LACTB: variants seen among roughly 807,000 people sequenced by gnomAD.
LACTB encodes lactamase beta.
Under a neutral mutation model 50.2 loss-of-function variants are expected in LACTB, and 35 were observed. The ratio of observed to expected loss-of-function variants is 0.70; its 90% confidence interval spans 0.53 to 0.92. LACTB has a LOEUF of 0.92. Ranked by LOEUF, LACTB falls within the 40% of genes least tolerant of loss-of-function variation. The pLI, the probability that LACTB is intolerant of heterozygous loss-of-function variation, is 0.00. For missense variants in LACTB, 664 were observed against 691.8 expected, an observed-to-expected ratio of 0.96 and a Z score of 0.45; for synonymous variants, 252 against 268.2, an observed-to-expected ratio of 0.94 and a Z score of 0.59.
intron 5 of LACTB, chr15:63,131,142 A>G (rs1190077835): frequency 6.6e-6 from 1 of 152,272 alleles, no homozygotes; most frequent in Non-Finnish European, 1.5e-5. Context: ...AATACAAAAA[A>G]TCAGCCGGGC....
Position 63,122,193 on chromosome 15 carries a change from A to T in LACTB, c.322A>T (p.Ile108Phe), listed in dbSNP as rs1160089168. 1.3e-6 allele frequency: 2 copies of T among 1,543,788 alleles called. No homozygotes were observed. Among genetic ancestry groups the T allele is most frequent in the Admixed American group, 1.9e-5 (1 of 52,054 alleles). The change falls in exon 1 of 6, where the codon ATC (isoleucine) becomes TTC (phenylalanine). Residue 108 changes from isoleucine (I) to phenylalanine (F), a missense_variant. Ile to Phe is a conservative substitution (Grantham distance 21, BLOSUM62 0). Transcript: ENST00000261893. ...PPCSRCFARAIESSRDLLHRI... is the reference protein window; with the variant it reads ...PPCSRCFARAFESSRDLLHRI... ...CTGCTCCAGGTGCTTCGCCAGAGCC[A>T]TCGAGAGCAGCCGCGACCTGCTGCA...
chr15:63,127,039 A>T lies in LACTB; in HGVS notation c.605A>T (p.Glu202Val). Residue 202 changes from glutamate to valine, a missense_variant, in exon 3 of 6, where the codon GAA becomes GTA. Physicochemically the swap from Glu to Val is moderately radical, Grantham distance 121. Coordinates refer to ENST00000261893, the MANE Select transcript of LACTB (RefSeq NM_032857.5). ...YVPEFPEKEY[E>V]GEKVSVTTRL... ...CCCGAATTCCCAGAAAAAGAATATG[A>T]AGGTGAAAAGGTACTGAAACTCACA... is the stretch of plus-strand genomic sequence containing the variant. 6.3e-7 allele frequency: 1 copy of T among 1,595,086 alleles called. No homozygotes were observed. Among genetic ancestry groups the T allele is most frequent in the Middle Eastern group, 1.8e-4 (1 of 5,456 alleles).
intron 2 of LACTB, among the ~76,000 whole-genome samples, chr15:63,124,909 C>T (rs2037029263): frequency 6.6e-6 from 1 of 151,764 alleles, no homozygotes; most frequent in African/African-American, 2.4e-5. Context: ...GAGCCAAGAT[C>T]GTTCACTGCA....
rs1453297412 is a variant in LACTB at position 63,129,560 on chromosome 15, A to T, written c.1028A>T (p.Tyr343Phe). ...AIVERASGCKYLDYMQKIFHD... is the reference protein window; with the variant it reads ...AIVERASGCKFLDYMQKIFHD... ...GTAGAGAGAGCTTCAGGATGTAAAT[A>T]TTTGGACTATATGCAGAAAATATTC... Residue 343 changes from tyrosine (Y) to phenylalanine (F), a missense_variant, in exon 5 of 6, where the codon TAT becomes TTT. Transcript: ENST00000261893. 1.9e-6 allele frequency: 3 copies of T among 1,613,562 alleles called. No homozygotes were observed. The highest frequency in any genetic ancestry group is 2.5e-6 in the Non-Finnish European group (3 of 1,179,810).
intron 1 of LACTB, 48 bp from the exon 2 acceptor site, chr15:63,122,588 C>T: frequency 6.8e-7 from 1 of 1,464,464 alleles, no homozygotes; most frequent in African/African-American, 1.4e-5. Flanking sequence ...GAGCGCTGGG[C>T]TTTTTCAGCA....
In LACTB at chr15:63,122,101, C is replaced by T; in HGVS notation, c.230C>T (p.Ser77Leu). 1 of 1,471,602 alleles carries T rather than the reference C, an allele frequency of 6.8e-7. No homozygotes were observed. The highest frequency in any genetic ancestry group is 8.9e-7 in the Non-Finnish European group (1 of 1,119,646). 91.2% of individuals were successfully genotyped at this position (1,471,602 alleles called of 1,614,324 possible). ...QSPAAPDPEA[S>L]PLAEPPQEQS... is the part of the protein sequence containing the mutation. ...CCCGCGGCCCCCGACCCTGAGGCGT[C>T]GCCTCTGGCCGAGCCGCCACAGGAG... is the stretch of plus-strand genomic sequence containing the variant. Residue 77 changes from serine (S) to leucine (L), a missense_variant, in exon 1 of 6, where the codon TCG becomes TTG. Ser to Leu is a moderately radical substitution (Grantham distance 145). Transcript: ENST00000261893.
intron 5 of LACTB, among the ~76,000 whole-genome samples, chr15:63,139,192 TCCAAAAAAAAA>T (rs2037203786): frequency 7.9e-6 from 1 of 125,848 alleles, no homozygotes; most frequent in Non-Finnish European, 1.6e-5. Flanking sequence ...CTACTAAAAA[TCCAAAAAAAAA>T]AAAAAAAAAA....
At chr15:63,134,098 C>A (rs1185180871) in intron 5 of LACTB, among the ~76,000 whole-genome samples, 1 of 152,004 alleles carries the variant, frequency 6.6e-6, no homozygotes, top group Non-Finnish European at 1.5e-5. Context: ...TATTTGTATT[C>A]TTTACTGATT....
chr15:63,133,979 T>C (rs1401315942), intron 5 of LACTB, among the ~76,000 whole-genome samples: 1 of 152,256 alleles, frequency 6.6e-6, no homozygotes, highest in Non-Finnish European at 1.5e-5. Flanking sequence ...AAAATACTTA[T>C]GAAAGGGCAG....
intron 5 of LACTB, among the ~76,000 whole-genome samples, chr15:63,135,280 T>A (rs1375499576): frequency 7.2e-5 from 11 of 152,250 alleles, no homozygotes; most frequent in Non-Finnish European, 2.9e-5. Context: ...TTAAAAGGAT[T>A]AAATATGCAT....
At chr15:63,127,956 A>T (rs2141071381) in intron 4 of LACTB, among the ~76,000 whole-genome samples, 1 of 152,366 alleles carries the variant, frequency 6.6e-6, no homozygotes, top group South Asian at 2.1e-4. Flanking sequence ...GAAATGTTGG[A>T]ATAATAGTTC....
intron 3 of LACTB, 40 bp downstream of exon 3, chr15:63,127,089 A>G: frequency 7.1e-7 from 1 of 1,402,406 alleles, no homozygotes; most frequent in Non-Finnish European, 9.8e-7. Context: ...TGGCATGTTA[A>G]ATGGTTTATG....
intron 4 of LACTB, among the ~76,000 whole-genome samples, chr15:63,129,069 T>C (rs1243205409): frequency 1.3e-5 from 2 of 152,208 alleles, no homozygotes; most frequent in East Asian, 3.8e-4. Context: ...TAAGAACGTG[T>C]TTGCCCATTT....
intron 5 of LACTB, among the ~76,000 whole-genome samples, chr15:63,133,415 G>A (rs2037150297): frequency 6.6e-6 from 1 of 152,138 alleles, no homozygotes; most frequent in South Asian, 2.1e-4. Context: ...GAGGCCAGGA[G>A]TTTGAGACCA....
rs2141076249 is a variant in LACTB at position 63,135,187 on chromosome 15, T to G, written c.1118+5537T>G. On this transcript the variant is annotated intron_variant, in intron 5 of 5. Transcript: ENST00000261893. ...ATGGTGGCTTTTTTTGGAAAATTTT[T>G]TAGCTTTGTGTTCTTATCTACATAC... Among the ~76,000 whole-genome samples, 6 of 152,330 alleles carry G rather than the reference T, an allele frequency of 3.9e-5. No individual in the cohort carries two copies. The South Asian group carries it at 1.2e-3, about 32-fold the overall frequency.
rs1566990528 is a variant in LACTB at position 63,127,513 on chromosome 15, A to C, written c.776A>C (p.Lys259Thr). The C allele has an allele frequency of 1.9e-6, 3 of 1,613,844 alleles. No individual in the cohort carries two copies. In the South Asian group the frequency reaches 3.3e-5, roughly 18 times the overall value. The stretch of plus-strand genomic sequence containing the variant: ...GAAAAAGAAGGCAAAAGTAATGAAA[A>C]GAATGATTTTACTAAATTTAAAACA... ...EQEKEGKSNE[K>T]NDFTKFKTEQ... Residue 259 changes from lysine to threonine, a missense_variant, in exon 4 of 6, where the codon AAG (lysine) becomes ACG (threonine). Lys to Thr is a moderately conservative substitution (Grantham distance 78). Coordinates refer to ENST00000261893, the MANE Select transcript of LACTB (RefSeq NM_032857.5).
intron 2 of LACTB, among the ~76,000 whole-genome samples, chr15:63,126,180 C>T (rs113094837): frequency 9.2e-5 from 14 of 152,266 alleles, no homozygotes; most frequent in African/African-American, 2.9e-4. Context: ...TTCACTTTGT[C>T]GCCCTGGCTG....
At chr15:63,127,199 T>C (rs1214673021) in intron 3 of LACTB, 150 bp downstream of exon 3, 3 of 918,344 alleles carry the variant, frequency 3.3e-6, no homozygotes, top group Non-Finnish European at 4.8e-6. Context: ...ATCAGGTAGG[T>C]ATTTTTCTGA....
intron 2 of LACTB, among the ~76,000 whole-genome samples, chr15:63,125,045 T>C (rs974794627): frequency 1.3e-5 from 2 of 150,396 alleles, no homozygotes; most frequent in African/African-American, 4.9e-5. Context: ...AATGGGCCAG[T>C]TGAGGTGGCG....
Sources: gnomAD v4.1 joint callset for allele counts (sites outside exome capture counted in the v4.1 genomes callset) on GRCh38, gnomAD v4.1.1 for gene constraint, MANE v1.5 for transcripts, NCBI Gene and HGNC (gene_info 2026-07-23, HGNC 2026-07-21) for gene names.